HECTD4: variants seen among roughly 807,000 people sequenced by gnomAD.
HECTD4 encodes HECT domain E3 ubiquitin protein ligase 4.
Under a neutral mutation model 471.5 loss-of-function variants are expected in HECTD4, and 114 were observed. The observed-to-expected ratio is 0.24, with a 90% CI of 0.21 to 0.28. The LOEUF (loss-of-function observed/expected upper bound fraction) is 0.28, where lower values mean the gene tolerates loss of function less well. Among genes scored for constraint, HECTD4 ranks in the 10% least tolerant of loss-of-function variants. HECTD4 has a pLI of 1.00. For synonymous variants in HECTD4, 2,012 were observed against 2,256.0 expected (o/e 0.89, Z 3.07); for missense variants, 3,866 against 5,651.5 (o/e 0.68, Z 10.13).
At chr12:112,222,908 G>C (rs541667423) in intron 44 of HECTD4, among the ~76,000 whole-genome samples, 50 of 152,316 alleles carry the variant, frequency 3.3e-4, no homozygotes, top group African/African-American at 1.1e-3. Context: ...AAGGAGAGCT[G>C]ATTCCAGAGT....
chr12:112,254,022 G>A (rs748511352), intron 22 of HECTD4, 21 bp downstream of exon 22: 4 of 1,612,908 alleles, frequency 2.5e-6, no homozygotes, highest in African/African-American at 2.7e-5. Context: ...TCTAGGAAGC[G>A]ATTATGACTG....
At chr12:112,219,521 C>G (rs772057836) in intron 44 of HECTD4, 32 bp from the exon 45 acceptor site, 37 of 1,441,466 alleles carry the variant, frequency 2.6e-5, no homozygotes, top group Non-Finnish European at 3.2e-5. Context: ...TCTGTGAAAA[C>G]AACTCCCGCA....
intron 11 of HECTD4, among the ~76,000 whole-genome samples, chr12:112,271,771 GTTGTT>G (rs1429695171): frequency 2.0e-5 from 3 of 151,926 alleles, no homozygotes; most frequent in Admixed American, 6.6e-5. Context: ...TTTTGTTGTT[GTTGTT>G]TTGTTTTGTT....
chr12:112,286,869 TA>T (rs2034765748), intron 7 of HECTD4, among the ~76,000 whole-genome samples: 1 of 152,170 alleles, frequency 6.6e-6, no homozygotes, highest in Non-Finnish European at 1.5e-5. Flanking sequence ...ACTACATTTT[TA>T]GCTACACTCG....
At chr12:112,367,492 A>G (rs1269850353) in intron 1 of HECTD4, among the ~76,000 whole-genome samples, 1 of 151,976 alleles carries the variant, frequency 6.6e-6, no homozygotes, top group Non-Finnish European at 1.5e-5. Context: ...AGAACCCCTG[A>G]GGGAAAGGAA....
intron 45 of HECTD4, 141 bp from the exon 46 acceptor site, chr12:112,217,336 TACACACACACACACACAC>T (rs71956504): frequency 2.4e-6 from 1 of 409,520 alleles, no homozygotes; most frequent in Non-Finnish European, 4.4e-6. Context: ...CACACACACA[TACACACACACACACACAC>T]ACAATTTATT....
intron 1 of HECTD4, among the ~76,000 whole-genome samples, chr12:112,334,413 C>A (rs1465133881): frequency 2.7e-5 from 4 of 150,872 alleles, no homozygotes; most frequent in Non-Finnish European, 5.9e-5. Context: ...AAATGGCCAA[C>A]AAACATATGA....
At chr12:112,284,263 G>A (rs2034703585) in intron 7 of HECTD4, among the ~76,000 whole-genome samples, 2 of 152,028 alleles carry the variant, frequency 1.3e-5, no homozygotes, top group Non-Finnish European at 1.5e-5. Context: ...CAAAACCTTG[G>A]TGGCCCATTA....
At chr12:112,236,598 G>A (rs2033508209) in intron 35 of HECTD4, among the ~76,000 whole-genome samples, 2 of 152,130 alleles carry the variant, frequency 1.3e-5, no homozygotes, top group African/African-American at 4.8e-5. Context: ...GTTAATTACA[G>A]GCCCTGACTC....
chr12:112,326,314 G>A (rs943486884), intron 1 of HECTD4, among the ~76,000 whole-genome samples: 1 of 152,042 alleles, frequency 6.6e-6, no homozygotes, highest in African/African-American at 2.4e-5. Context: ...GAGCAACATG[G>A]CAAGACAGTC....
At chr12:112,250,900 A>G (rs1003945871) in intron 24 of HECTD4, 71 bp downstream of exon 24, 4 of 1,450,400 alleles carry the variant, frequency 2.8e-6, no homozygotes, top group African/African-American at 2.8e-5. Context: ...AAATGTACCA[A>G]AAGGATTTTT....
At position 112,243,010 on chromosome 12, in the gene HECTD4, A is replaced by G. The variant is rs1179019615; in HGVS notation, c.4958+343T>C. On this transcript the variant is annotated intron_variant, in intron 32 of 75. Coordinates refer to ENST00000682272, the MANE Select transcript of HECTD4 (RefSeq NM_001388303.1). The surrounding 1 kb of genome is among the most constrained non-coding windows in gnomAD (Gnocchi z 6.6). The stretch of plus-strand genomic sequence containing the variant: ...CATACTGAGCAAAACAACCATGGTT[A>G]TAGAAAGGCATGGATAATATAATCT... 1.3e-5 allele frequency among the ~76,000 whole-genome samples: 2 copies of G among 152,252 alleles called. No homozygotes were observed. Among genetic ancestry groups the G allele is most frequent in the Non-Finnish European group, 2.9e-5 (2 of 68,042 alleles).
At chr12:112,231,459 T>C (rs2033377647) in intron 39 of HECTD4, 54 bp downstream of exon 39, 3 of 1,541,028 alleles carry the variant, frequency 1.9e-6, no homozygotes, top group Non-Finnish European at 2.7e-6. Context: ...AACAAACCCA[T>C]TATAAAGTAA....
At chr12:112,171,037 G>A (rs190904500) in intron 68 of HECTD4, 80 bp downstream of exon 68, 17 of 1,268,404 alleles carry the variant, frequency 1.3e-5, no homozygotes, top group Middle Eastern at 1.9e-4. Context: ...GCCCAAGGAC[G>A]CTGCCCGTGG....
rs1273421960 is a variant in HECTD4, at chr12:112,381,060, A to G, written c.177+892T>C. Reference sequence around the variant, plus strand: ...ATGTCATCCCACAAAGTGGAAGGGGAGCAGTGTCAGCATCCGTTGGCCTCC... The same window carrying G: ...ATGTCATCCCACAAAGTGGAAGGGGGGCAGTGTCAGCATCCGTTGGCCTCC... On this transcript the variant is annotated intron_variant, in intron 1 of 75. Coordinates refer to ENST00000682272, the MANE Select transcript of HECTD4 (RefSeq NM_001388303.1). The surrounding 1 kb of genome is among the most constrained non-coding windows in gnomAD (Gnocchi z 4.1). Among the ~76,000 whole-genome samples the G allele has an allele frequency of 6.6e-6, 1 of 152,034 alleles. No individual in the cohort carries two copies. Among genetic ancestry groups the G allele is most frequent in the Non-Finnish European group, 1.5e-5 (1 of 68,014 alleles).
chr12:112,248,132 C>T lies in HECTD4; in HGVS notation c.4183G>A (p.Asp1395Asn), dbSNP rs746339938. The change falls in exon 27 of 76, where the codon GAT becomes AAT. Residue 1395 changes from aspartate (D) to asparagine (N), a missense_variant. This residue lies in a region of HECTD4 where 281 missense variants were observed against 499.9 expected (regional missense o/e 0.56). Coordinates refer to ENST00000682272, the MANE Select transcript of HECTD4 (RefSeq NM_001388303.1). ...TCCAGTTTCCCCTGCATGGCATCAT[C>T]AACTTCACTTTGCCATTTTTGTTCC... Reference protein sequence around the residue: ...ELEQKWQSEVDDAMQGKLENN... With the variant: ...ELEQKWQSEVNDAMQGKLENN... 1.9e-6 allele frequency: 3 copies of T among 1,613,582 alleles called. No homozygotes were observed. Among genetic ancestry groups the T allele is most frequent in the African/African-American group, 2.7e-5 (2 of 75,030 alleles).
chr12:112,305,930 G>C, intron 7 of HECTD4, 134 bp downstream of exon 7: 1 of 739,562 alleles, frequency 1.4e-6, no homozygotes. Context: ...ACATCTAAGA[G>C]AAAAATCAAT....
chr12:112,251,219 C>T, intron 23 of HECTD4, 85 bp from the exon 24 acceptor site: 1 of 1,342,094 alleles, frequency 7.5e-7, no homozygotes, highest in Non-Finnish European at 1.0e-6. Context: ...TGCACTGTCC[C>T]CAACCACAGG....
chr12:112,169,836 T>A, intron 69 of HECTD4, 178 bp from the exon 70 acceptor site: 1 of 709,146 alleles, frequency 1.4e-6, no homozygotes, highest in Non-Finnish European at 2.4e-6. Flanking sequence ...GCCTTAGCAC[T>A]CATGGCTCCC....
Sources: gnomAD v4.1 joint callset for allele counts (sites outside exome capture counted in the v4.1 genomes callset) on GRCh38, gnomAD v4.1.1 for gene constraint, gnomAD v4.1.1 regional missense constraint, Gnocchi (gnomAD v3.1) non-coding constraint, MANE v1.5 for transcripts, NCBI Gene and HGNC (gene_info 2026-07-23, HGNC 2026-07-21) for gene names.